BTNL8: variants seen among roughly 807,000 people sequenced by gnomAD.
BTNL8 encodes the protein butyrophilin like 8.
In BTNL8, 22 loss-of-function variants were observed where a neutral mutation model predicts 36.1. The ratio of observed to expected loss-of-function variants is 0.61; its 90% CI spans 0.44 to 0.87. The LOEUF is 0.87. Ranked by LOEUF, BTNL8 falls within the 40% of genes least tolerant of loss-of-function variation. The pLI is 0.00. For synonymous variants in BTNL8, 203 were observed against 235.6 expected (o/e 0.86, Z 1.27); for missense variants, 526 against 616.9 (o/e 0.85, Z 1.56).
At position 180,949,502 on chromosome 5, in the gene BTNL8, G is replaced by A. The variant is rs1382575512; in HGVS notation, c.862+237G>A. The stretch of plus-strand genomic sequence containing the variant: ...GTAAACGGGAGACGGGGGGGTCTTT[G>A]GCACAGTTTCAGGGAATTGAGGGCA... On this transcript the variant is annotated intron_variant, in intron 7 of 7. Coordinates refer to ENST00000340184, the MANE Select transcript of BTNL8 (RefSeq NM_001040462.3). The A allele has an allele frequency of 9.1e-6, 6 of 662,662 alleles. 2 individuals are homozygous for A. The highest frequency in any genetic ancestry group is 1.4e-5 in the Non-Finnish European group (6 of 414,696). The allele number at this position is 662,662 out of a possible 1,614,324, so 41.0% of individuals were successfully genotyped here.
At chr5:180,911,690 C>T in intron 3 of BTNL8, 76 bp downstream of exon 3, 4 of 1,352,408 alleles carry the variant, frequency 3.0e-6, no homozygotes, top group Non-Finnish European at 3.0e-6. Flanking sequence ...GAGCCTCCAT[C>T]TTGGCATTGC....
chr5:180,930,804 A>G (rs1758338616), intron 3 of BTNL8, among the ~76,000 whole-genome samples: 1 of 152,198 alleles, frequency 6.6e-6, no homozygotes, highest in Non-Finnish European at 1.5e-5. Flanking sequence ...CTCAAAGGAA[A>G]TAAGAGAGGA....
chr5:180,907,770 ACC>A (rs1757157164), intron 1 of BTNL8, among the ~76,000 whole-genome samples: 1 of 151,602 alleles, frequency 6.6e-6, no homozygotes, highest in Admixed American at 6.6e-5. Flanking sequence ...CTGTTGGAGT[ACC>A]CTGCCGTGTG....
intron 3 of BTNL8, among the ~76,000 whole-genome samples, chr5:180,944,190 T>A (rs1354628052): frequency 1.3e-5 from 2 of 151,810 alleles, no homozygotes; most frequent in Non-Finnish European, 2.9e-5. Flanking sequence ...GAGGGAGGAA[T>A]GGAGAAAGAC....
chr5:180,900,200 T>C (rs1756764582), intron 1 of BTNL8, among the ~76,000 whole-genome samples: 1 of 152,270 alleles, frequency 6.6e-6, no homozygotes, highest in South Asian at 2.1e-4. Flanking sequence ...GCTTCTTTGT[T>C]TCCCTTCTGT....
At chr5:180,929,693 C>T (rs940781706) in intron 3 of BTNL8, among the ~76,000 whole-genome samples, 11 of 152,168 alleles carry the variant, frequency 7.2e-5, no homozygotes, top group African/African-American at 2.7e-4. Flanking sequence ...TCCCTCTACA[C>T]AAATAAACTA....
At chr5:180,939,300 G>A (rs1758811356) in intron 3 of BTNL8, among the ~76,000 whole-genome samples, 1 of 151,924 alleles carries the variant, frequency 6.6e-6, no homozygotes, top group Non-Finnish European at 1.5e-5. Context: ...ATTATATGGT[G>A]CCCAGAAGAA....
At chr5:180,920,635 T>G (rs1435519215) in intron 3 of BTNL8, among the ~76,000 whole-genome samples, 1 of 151,964 alleles carries the variant, frequency 6.6e-6, no homozygotes, top group Non-Finnish European at 1.5e-5. Flanking sequence ...GCAAAGGAGA[T>G]AATCAACAAA....
intron 3 of BTNL8, among the ~76,000 whole-genome samples, chr5:180,918,289 A>G (rs1161337454): frequency 6.6e-6 from 1 of 152,216 alleles, no homozygotes; most frequent in Non-Finnish European, 1.5e-5. Flanking sequence ...AAAGTACATT[A>G]AAAGAAACAT....
chr5:180,932,078 G>C (rs1758414466), intron 3 of BTNL8, among the ~76,000 whole-genome samples: 2 of 152,094 alleles, frequency 1.3e-5, no homozygotes, highest in Non-Finnish European at 2.9e-5. Flanking sequence ...TCAATGATAG[G>C]CTGGTTAAAT....
chr5:180,928,751 CAAG>C (rs1758226041), intron 3 of BTNL8, among the ~76,000 whole-genome samples: 1 of 152,128 alleles, frequency 6.6e-6, no homozygotes, highest in Non-Finnish European at 1.5e-5. Context: ...ATCAATGCAA[CAAG>C]AAGAGCTAAC....
At chr5:180,904,144 T>C (rs1756968837) in intron 1 of BTNL8, among the ~76,000 whole-genome samples, 1 of 136,316 alleles carries the variant, frequency 7.3e-6, no homozygotes, top group South Asian at 2.2e-4. Flanking sequence ...ATATTGATTC[T>C]TCCTACCCAT....
chr5:180,912,350 A>G (rs1229744832), intron 3 of BTNL8, among the ~76,000 whole-genome samples: 1 of 152,120 alleles, frequency 6.6e-6, no homozygotes, highest in Non-Finnish European at 1.5e-5. Flanking sequence ...CCAATTCTTT[A>G]TACTAAATCT....
chr5:180,924,160 T>G (rs2113813163), intron 3 of BTNL8, among the ~76,000 whole-genome samples: 1 of 152,314 alleles, frequency 6.6e-6, no homozygotes, highest in Admixed American at 6.5e-5. Context: ...GGGTTCTCTT[T>G]GCATATTCCC....
intron 7 of BTNL8, chr5:180,949,516 G>C: frequency 1.6e-6 from 1 of 611,010 alleles, no homozygotes; most frequent in Non-Finnish European, 2.7e-6. Flanking sequence ...CAGTTTCAGG[G>C]AATTGAGGGC....
rs2387712 is a variant in BTNL8 at position 180,930,179 on chromosome 5, G to T, written c.674-17333G>T. On this transcript the variant is annotated intron_variant, in intron 3 of 7. Transcript: ENST00000340184. The stretch of plus-strand genomic sequence containing the variant: ...GTTCAACATACGCAAATTAATAAAC[G>T]TAATCCATCACATAAACAGAACCAA... 8.4e-4 allele frequency among the ~76,000 whole-genome samples: 127 copies of T among 152,084 alleles called. 1 individual carries two copies. Among genetic ancestry groups the T allele is most frequent in the Middle Eastern group, 6.8e-3 (2 of 294 alleles).
At chr5:180,911,074 G>A (rs1757368828) in intron 2 of BTNL8, among the ~76,000 whole-genome samples, 1 of 152,192 alleles carries the variant, frequency 6.6e-6, no homozygotes, top group Admixed American at 6.5e-5. Flanking sequence ...TACTTTAGCT[G>A]AGCTCCTGAC....
intron 3 of BTNL8, 125 bp downstream of exon 3, chr5:180,911,739 G>T: frequency 9.6e-7 from 1 of 1,038,070 alleles, no homozygotes; most frequent in Non-Finnish European, 1.4e-6. Flanking sequence ...TATTTTAAAA[G>T]TTTAAAATCA....
intron 3 of BTNL8, among the ~76,000 whole-genome samples, chr5:180,928,906 G>A (rs1432150640): frequency 4.6e-5 from 7 of 152,126 alleles, no homozygotes; most frequent in African/African-American, 1.4e-4. Flanking sequence ...ACAGATCAAC[G>A]AGACAGAAAA....
Sources: allele counts gnomAD v4.1 joint callset (sites outside exome capture counted in the v4.1 genomes callset), GRCh38; gene constraint gnomAD v4.1.1; transcripts MANE v1.5; gene names NCBI Gene and HGNC (gene_info 2026-07-23, HGNC 2026-07-21).